RBFOX1: variants seen among roughly 807,000 people sequenced by gnomAD.
RBFOX1 encodes RNA binding protein fox-1 homolog 1.
A neutral mutation model predicts 57.7 loss-of-function variants in RBFOX1; 8 were observed. The ratio of observed to expected loss-of-function variants is 0.14; its 90% confidence interval spans 0.08 to 0.25. The LOEUF is 0.25. Ranked by LOEUF, RBFOX1 falls within the 10% of genes least tolerant of loss-of-function variation. The probability of loss-of-function intolerance (pLI) is 1.00; values close to 1 mark genes in which losing one functional copy is unlikely to be tolerated. For missense variants in RBFOX1, 611 were observed against 548.5 expected (o/e 1.11, Z -1.14); for synonymous variants, 326 against 222.4 (o/e 1.47, Z -4.15).
At chr16:7,592,461 T>C (rs999805533) in intron 7 of RBFOX1, among the ~76,000 whole-genome samples, 2 of 152,074 alleles carry the variant, frequency 1.3e-5, no homozygotes, top group African/African-American at 4.8e-5. Context: ...GGAGGGTGAG[T>C]GTTCAGTCTC....
intron 4 of RBFOX1, among the ~76,000 whole-genome samples, chr16:7,336,763 C>T (rs914568933): frequency 2.1e-4 from 32 of 152,286 alleles, no homozygotes; most frequent in Admixed American, 1.6e-3. Context: ...TATTTGTCCA[C>T]CTTCCTATAT....
chr16:6,223,983 G>C (rs140449726), intron 1 of RBFOX1, among the ~76,000 whole-genome samples: 3,075 of 152,112 alleles, frequency 0.02, 107 homozygotes, highest in African/African-American at 0.07. Context: ...GCTTGTTTTT[G>C]TCAGGTTTGT....
chr16:6,952,051 C>T (rs981412980), intron 3 of RBFOX1, among the ~76,000 whole-genome samples: 5 of 152,170 alleles, frequency 3.3e-5, no homozygotes, highest in Non-Finnish European at 5.9e-5. Context: ...AGTGGTTTCT[C>T]ATACGTGGTT....
intron 1 of RBFOX1, among the ~76,000 whole-genome samples, chr16:5,428,105 GGTGTGTGTGTGTGTGTCT>G (rs1486963547): frequency 8.0e-5 from 11 of 137,972 alleles, no homozygotes; most frequent in African/African-American, 2.0e-4. Flanking sequence ...GCTCTGGAAG[GGTGTGTGTGTGTGTGTCT>G]GTGTGTGTGT....
intron 3 of RBFOX1, among the ~76,000 whole-genome samples, chr16:6,695,214 G>C (rs1373932990): frequency 6.6e-6 from 1 of 152,024 alleles, no homozygotes; most frequent in Non-Finnish European, 1.5e-5. Flanking sequence ...GATGTCAGGA[G>C]TTTGAGACCA....
intron 3 of RBFOX1, among the ~76,000 whole-genome samples, chr16:5,644,937 C>T (rs2048998268): frequency 6.6e-6 from 1 of 152,000 alleles, no homozygotes; most frequent in South Asian, 2.1e-4. Context: ...CATGCCATGG[C>T]ATGGATGAAC....
At chr16:6,806,559 A>G (rs938313012) in intron 3 of RBFOX1, among the ~76,000 whole-genome samples, 18 of 151,966 alleles carry the variant, frequency 1.2e-4, no homozygotes, top group African/African-American at 4.1e-4. Context: ...TGGAGAAGAA[A>G]TGGATTTTAA....
At chr16:7,167,683 A>G (rs1214266117) in intron 4 of RBFOX1, among the ~76,000 whole-genome samples, 1 of 152,230 alleles carries the variant, frequency 6.6e-6, no homozygotes, top group South Asian at 2.1e-4. Flanking sequence ...AGGGCTGCAA[A>G]CTAAGGCCTG....
chr16:7,413,676 T>C (rs1374854593), intron 4 of RBFOX1, among the ~76,000 whole-genome samples: 1 of 152,014 alleles, frequency 6.6e-6, no homozygotes, highest in Non-Finnish European at 1.5e-5. Context: ...GTCAAAAAAG[T>C]ATTCCTCAGC....
chr16:6,082,933 A>T (rs1258248240), intron 1 of RBFOX1, among the ~76,000 whole-genome samples: 1 of 152,034 alleles, frequency 6.6e-6, no homozygotes, highest in Non-Finnish European at 1.5e-5. Flanking sequence ...TCACCCAATC[A>T]CTGCTCTCAA....
intron 1 of RBFOX1, among the ~76,000 whole-genome samples, chr16:5,465,944 C>T (rs542658877): frequency 2.8e-4 from 43 of 152,224 alleles, no homozygotes; most frequent in Non-Finnish European, 4.9e-4. Context: ...TGGGTAAGCT[C>T]CCAGGGGCAC....
At chr16:6,830,819 G>C (rs893127671) in intron 3 of RBFOX1, among the ~76,000 whole-genome samples, 1 of 152,096 alleles carries the variant, frequency 6.6e-6, no homozygotes, top group African/African-American at 2.4e-5. Flanking sequence ...AGATAAAATC[G>C]GTGTTGACTT....
chr16:6,895,068 T>A (rs2066429075), intron 3 of RBFOX1, among the ~76,000 whole-genome samples: 1 of 152,120 alleles, frequency 6.6e-6, no homozygotes. Flanking sequence ...AAATACATCT[T>A]TAATAAATAA....
intron 4 of RBFOX1, among the ~76,000 whole-genome samples, chr16:7,171,393 G>A (rs912850378): frequency 6.6e-6 from 1 of 152,128 alleles, no homozygotes; most frequent in Non-Finnish European, 1.5e-5. Flanking sequence ...ATGAATTCCT[G>A]CCACCGCTAA....
intron 3 of RBFOX1, among the ~76,000 whole-genome samples, chr16:6,825,995 T>G (rs1391421499): frequency 6.6e-6 from 1 of 152,162 alleles, no homozygotes; most frequent in African/African-American, 2.4e-5. Context: ...TGTTGAACCT[T>G]CTTTACATTT....
At chr16:6,883,835 C>T (rs2063431249) in intron 3 of RBFOX1, among the ~76,000 whole-genome samples, 1 of 151,444 alleles carries the variant, frequency 6.6e-6, no homozygotes, top group Admixed American at 6.6e-5. Flanking sequence ...CTTTTTTCCC[C>T]CTAGGAATTA....
chr16:7,057,471 C>G (rs972645437), intron 4 of RBFOX1, among the ~76,000 whole-genome samples: 3 of 152,226 alleles, frequency 2.0e-5, no homozygotes, highest in Admixed American at 6.5e-5. Flanking sequence ...GCACACATCA[C>G]ACCTTCTAGC....
At chr16:7,026,342 T>C (rs2040925095) in intron 3 of RBFOX1, among the ~76,000 whole-genome samples, 2 of 152,212 alleles carry the variant, frequency 1.3e-5, no homozygotes, top group Admixed American at 6.5e-5. Context: ...CGGGTATCCA[T>C]GATGCAAGGG....
chr16:6,840,715 C>T (rs185843406), intron 3 of RBFOX1, among the ~76,000 whole-genome samples: 26 of 151,678 alleles, frequency 1.7e-4, no homozygotes, highest in African/African-American at 4.4e-4. Context: ...GGTGAAACCC[C>T]GTCTCTACTA....
Sources: allele counts gnomAD v4.1 joint callset (sites outside exome capture counted in the v4.1 genomes callset), GRCh38; gene constraint gnomAD v4.1.1; transcripts MANE v1.5; gene names NCBI Gene and HGNC (gene_info 2026-07-23, HGNC 2026-07-21).